Variants in ULK4 observed in about 807,000 individuals in gnomAD.
ULK4 encodes the protein unc-51 like kinase 4.
In ULK4, 133 loss-of-function variants were observed where a neutral mutation model predicts 160.6. The observed-to-expected ratio is 0.83, with a 90% CI of 0.72 to 0.96. The LOEUF is 0.96. Among genes scored for constraint, ULK4 ranks in the 40% least tolerant of loss-of-function variants. The pLI, the probability that ULK4 is intolerant of heterozygous loss-of-function variation, is 0.00. For synonymous variants in ULK4, 534 were observed against 539.8 expected (o/e 0.99, Z 0.15); for missense variants, 1,580 against 1,499.5 (o/e 1.05, Z -0.89).
rs565727539 is a variant in ULK4 at position 41,941,755 on chromosome 3, CAAAAAA to C, written c.139-3564_139-3559del. 8.6e-3 allele frequency among the ~76,000 whole-genome samples: 263 copies of C among 30,746 alleles called. 3 individuals carry two copies. Among genetic ancestry groups the C allele is most frequent in the South Asian group, 0.019 (7 of 360 alleles). The allele number at this position is 30,746 out of a possible 152,430, so 20.2% of individuals were successfully genotyped here. A position where few individuals can be genotyped will look rare whatever the true frequency, so the allele number is the denominator to read the frequency against. Reference sequence around the variant, plus strand: ...TGAGTGACAGAGTGAGACTCTGTCTCAAAAAAAAAAAAAAAAAAAAAAAAGAGAAAG... The same window carrying C: ...TGAGTGACAGAGTGAGACTCTGTCTCAAAAAAAAAAAAAAAAAAGAGAAAG... On this transcript the variant is annotated intron_variant, in intron 2 of 36. Coordinates refer to ENST00000301831, the MANE Select transcript of ULK4 (RefSeq NM_017886.4).
Position 41,455,579 on chromosome 3 carries a change from G to A in ULK4, c.3410C>T (p.Ser1137Leu). The change falls in exon 34 of 37, where the codon TCA (serine) becomes TTA (leucine). Residue 1137 changes from serine (S) to leucine (L), a missense_variant. By Grantham distance (145) the Ser-to-Leu change is moderately radical. Coordinates refer to ENST00000301831, the MANE Select transcript of ULK4 (RefSeq NM_017886.4). ...RLALQAQKSG[S>L]GEDPQAAEDL... The stretch of plus-strand genomic sequence containing the variant: ...TTCTGCAGCCTGAGGGTCCTCTCCT[G>A]AGCCAGACTTCTGGGCCTGGAACAG... The A allele has an allele frequency of 6.2e-7, 1 of 1,613,918 alleles. No individual in the cohort carries two copies. The highest frequency in any genetic ancestry group is 8.5e-7 in the Non-Finnish European group (1 of 1,179,912).
intron 29 of ULK4, among the ~76,000 whole-genome samples, chr3:41,674,426 T>A (rs928293726): frequency 6.6e-6 from 1 of 152,212 alleles, no homozygotes; most frequent in African/African-American, 2.4e-5. Flanking sequence ...TAAAATTAAA[T>A]CTTGTCTCTC....
chr3:41,765,471 G>T (rs2039129958), intron 21 of ULK4, among the ~76,000 whole-genome samples: 1 of 152,120 alleles, frequency 6.6e-6, no homozygotes, highest in South Asian at 2.1e-4. Flanking sequence ...ACGAGTTAAT[G>T]GGTGCAGCAC....
intron 32 of ULK4, among the ~76,000 whole-genome samples, chr3:41,482,464 A>AG (rs139583587): frequency 0.016 from 2,511 of 152,326 alleles, 67 homozygotes; most frequent in African/African-American, 0.057. Flanking sequence ...AAGGGGCTTC[A>AG]GGTGTCAAGT....
chr3:41,425,868 T>G (rs1263613768), intron 34 of ULK4, among the ~76,000 whole-genome samples: 1 of 152,020 alleles, frequency 6.6e-6, no homozygotes, highest in Admixed American at 6.6e-5. Context: ...GCAACTACAT[T>G]AACAAGTCTG....
intron 35 of ULK4, among the ~76,000 whole-genome samples, chr3:41,257,118 T>C (rs2078850114): frequency 1.3e-5 from 2 of 152,192 alleles, no homozygotes; most frequent in South Asian, 4.1e-4. Flanking sequence ...AGAAAGAAGA[T>C]ATATGGGTGG....
intron 32 of ULK4, among the ~76,000 whole-genome samples, chr3:41,529,595 G>C (rs1474710523): frequency 1.3e-5 from 2 of 152,246 alleles, no homozygotes; most frequent in Non-Finnish European, 2.9e-5. Context: ...AGCAATTCTT[G>C]TGCCTCAGTC....
intron 35 of ULK4, among the ~76,000 whole-genome samples, chr3:41,317,662 A>G (rs973058814): frequency 6.6e-6 from 1 of 152,214 alleles, no homozygotes; most frequent in African/African-American, 2.4e-5. Flanking sequence ...CAAATAATAT[A>G]TCCCTCTGAA....
chr3:41,934,057 T>TA (rs1410436761), intron 4 of ULK4, among the ~76,000 whole-genome samples: 10 of 151,986 alleles, frequency 6.6e-5, no homozygotes, highest in Non-Finnish European at 1.5e-4. Flanking sequence ...AATAATAAAA[T>TA]AAAAAAATTT....
intron 32 of ULK4, among the ~76,000 whole-genome samples, chr3:41,503,470 T>C (rs542743799): frequency 1.6e-3 from 248 of 152,280 alleles, no homozygotes; most frequent in Non-Finnish European, 2.9e-3. Flanking sequence ...TCACATATCA[T>C]TTATACAAAT....
intron 19 of ULK4, among the ~76,000 whole-genome samples, chr3:41,816,295 A>G (rs1374097836): frequency 1.3e-5 from 2 of 152,186 alleles, no homozygotes; most frequent in Non-Finnish European, 2.9e-5. Context: ...TGTTTAATCT[A>G]GGTGATGGAA....
At chr3:41,499,369 G>C (rs144904266) in intron 32 of ULK4, among the ~76,000 whole-genome samples, 1 of 152,236 alleles carries the variant, frequency 6.6e-6, no homozygotes, top group African/African-American at 2.4e-5. Context: ...TGACTATATT[G>C]AACAGAAAAG....
intron 19 of ULK4, among the ~76,000 whole-genome samples, chr3:41,817,076 G>A (rs1430957714): frequency 6.6e-6 from 1 of 151,966 alleles, no homozygotes; most frequent in Non-Finnish European, 1.5e-5. Flanking sequence ...CTGTGTGTGT[G>A]TGTGTGTGTG....
chr3:41,414,885 T>C (rs532570276), intron 34 of ULK4, among the ~76,000 whole-genome samples: 2 of 152,322 alleles, frequency 1.3e-5, no homozygotes, highest in East Asian at 3.9e-4. Flanking sequence ...AGGTACACTA[T>C]ATTTTTAAAT....
At chr3:41,636,085 C>A (rs2033939287) in intron 30 of ULK4, among the ~76,000 whole-genome samples, 1 of 151,946 alleles carries the variant, frequency 6.6e-6, no homozygotes. Context: ...ACTCAATTCT[C>A]TACCTTTGTA....
At chr3:41,539,002 A>G (rs995899327) in intron 32 of ULK4, among the ~76,000 whole-genome samples, 3 of 147,866 alleles carry the variant, frequency 2.0e-5, no homozygotes, top group African/African-American at 7.5e-5. Context: ...GTATGGACAT[A>G]TATTTTATGC....
intron 25 of ULK4, among the ~76,000 whole-genome samples, chr3:41,706,793 A>G (rs577282971): frequency 6.0e-4 from 88 of 147,280 alleles, no homozygotes; most frequent in African/African-American, 1.8e-3. Context: ...ATGCCACTGC[A>G]GTCCAGCCTG....
intron 18 of ULK4, among the ~76,000 whole-genome samples, chr3:41,821,013 A>C (rs2041128900): frequency 1.3e-5 from 2 of 152,238 alleles, no homozygotes; most frequent in South Asian, 4.2e-4. Context: ...TCCCTTATTT[A>C]AAATGCCCAC....
intron 30 of ULK4, among the ~76,000 whole-genome samples, chr3:41,619,152 G>A (rs1279765823): frequency 6.6e-6 from 1 of 152,042 alleles, no homozygotes; most frequent in Non-Finnish European, 1.5e-5. Flanking sequence ...GACCTACAAA[G>A]AGAAGCAGAC....
Sources: gnomAD v4.1 joint callset for allele counts (sites outside exome capture counted in the v4.1 genomes callset) on GRCh38, gnomAD v4.1.1 for gene constraint, MANE v1.5 for transcripts, NCBI Gene and HGNC (gene_info 2026-07-23, HGNC 2026-07-21) for gene names.